ITGBL1: variants seen among roughly 807,000 people sequenced by gnomAD.
ITGBL1 encodes the protein integrin beta-like protein 1.
ITGBL1 carries 51 observed loss-of-function variants against 68.5 expected under a neutral mutation model. The observed-to-expected ratio is 0.74, with a 90% CI of 0.59 to 0.94. ITGBL1 has a LOEUF of 0.94. Ranked by LOEUF, ITGBL1 falls within the 40% of genes least tolerant of loss-of-function variation. The pLI is 0.00. For missense variants in ITGBL1, 649 were observed against 647.4 expected (o/e 1.00, Z -0.03); for synonymous variants, 209 against 227.3 (o/e 0.92, Z 0.72).
intron 8 of ITGBL1, among the ~76,000 whole-genome samples, chr13:101,694,398 C>A (rs977601185): frequency 1.3e-5 from 2 of 151,912 alleles, no homozygotes; most frequent in Non-Finnish European, 2.9e-5. Context: ...GCTCTTGTTA[C>A]CATTGTTACT....
At chr13:101,575,269 G>A (rs775768073) in intron 3 of ITGBL1, among the ~76,000 whole-genome samples, 155 bp from the exon 4 acceptor site, 2 of 152,144 alleles carry the variant, frequency 1.3e-5, no homozygotes, top group African/African-American at 2.4e-5. Flanking sequence ...AGAAAGAGTA[G>A]CATGTGCTTT....
intron 2 of ITGBL1, among the ~76,000 whole-genome samples, chr13:101,503,069 G>T (rs547584312): frequency 1.1e-4 from 16 of 152,294 alleles, no homozygotes; most frequent in Non-Finnish European, 2.2e-4. Context: ...CACAAAATTT[G>T]AAGCAAGTGC....
chr13:101,508,015 A>G (rs1484967083), intron 2 of ITGBL1, among the ~76,000 whole-genome samples: 1 of 152,144 alleles, frequency 6.6e-6, no homozygotes, highest in African/African-American at 2.4e-5. Flanking sequence ...ACATATTTCA[A>G]ATCTGAGTTC....
chr13:101,529,617 C>T (rs1451067438), intron 2 of ITGBL1, among the ~76,000 whole-genome samples: 2 of 152,246 alleles, frequency 1.3e-5, no homozygotes, highest in East Asian at 3.9e-4. Flanking sequence ...ATTGTAATCC[C>T]CACGTGTTGA....
At chr13:101,693,814 C>G (rs535895882) in intron 8 of ITGBL1, among the ~76,000 whole-genome samples, 1 of 152,250 alleles carries the variant, frequency 6.6e-6, no homozygotes, top group Non-Finnish European at 1.5e-5. Flanking sequence ...GCCCTTTTAA[C>G]CTGTTAATGA....
At chr13:101,460,321 C>T (rs2048301016) in intron 2 of ITGBL1, among the ~76,000 whole-genome samples, 1 of 152,136 alleles carries the variant, frequency 6.6e-6, no homozygotes, top group Admixed American at 6.5e-5. Context: ...TTTCACATTG[C>T]CTCTTTCCTG....
At chr13:101,612,546 C>T (rs1159402769) in intron 7 of ITGBL1, among the ~76,000 whole-genome samples, 3 of 144,230 alleles carry the variant, frequency 2.1e-5, no homozygotes, top group African/African-American at 7.7e-5. Context: ...AACTCACCCT[C>T]TTGAGTGTAG....
chr13:101,628,494 A>T (rs1420879070), intron 7 of ITGBL1, among the ~76,000 whole-genome samples: 1 of 149,492 alleles, frequency 6.7e-6, no homozygotes, highest in Non-Finnish European at 1.5e-5. Flanking sequence ...GTGCAGTGGC[A>T]TGATCTCAGC....
At chr13:101,557,304 A>C (rs1330978076) in intron 2 of ITGBL1, among the ~76,000 whole-genome samples, 3 of 152,236 alleles carry the variant, frequency 2.0e-5, no homozygotes, top group Admixed American at 6.5e-5. Flanking sequence ...TTGAGTCGCC[A>C]TTTAAAAGAT....
chr13:101,690,493 A>G (rs2893073), intron 7 of ITGBL1, among the ~76,000 whole-genome samples: 35,722 of 152,086 alleles, frequency 0.23, 4,820 homozygotes, highest in South Asian at 0.35. Flanking sequence ...GCAACTGATG[A>G]TCATGGCTTC....
intron 6 of ITGBL1, among the ~76,000 whole-genome samples, chr13:101,587,730 G>T (rs968900518): frequency 2.2e-4 from 33 of 151,976 alleles, no homozygotes; most frequent in African/African-American, 6.8e-4. Flanking sequence ...CATATTATGT[G>T]GTGAAATTTG....
intron 7 of ITGBL1, among the ~76,000 whole-genome samples, chr13:101,685,071 T>C (rs1269704490): frequency 6.6e-6 from 1 of 152,012 alleles, no homozygotes; most frequent in African/African-American, 2.4e-5. Flanking sequence ...AAAGTATTTC[T>C]GAATATTACC....
chr13:101,453,839 G>T (rs908522645), intron 1 of ITGBL1, 44 bp from the exon 2 acceptor site: 1 of 1,203,748 alleles, frequency 8.3e-7, no homozygotes, highest in Non-Finnish European at 1.0e-6. Context: ...AGGGGGCGGC[G>T]TCCGCGTCTG....
At chr13:101,470,331 A>AT (rs1386217807) in intron 2 of ITGBL1, among the ~76,000 whole-genome samples, 241 of 151,658 alleles carry the variant, frequency 1.6e-3, no homozygotes, top group African/African-American at 5.3e-3. Flanking sequence ...TTTTTAATTA[A>AT]TTTATTTTTT....
intron 2 of ITGBL1, among the ~76,000 whole-genome samples, chr13:101,535,048 G>T (rs890234297): frequency 1.3e-5 from 2 of 151,900 alleles, no homozygotes; most frequent in African/African-American, 2.4e-5. Context: ...CAGTATCTTC[G>T]TCAGAAGCAT....
At chr13:101,494,503 T>C (rs1198900164) in intron 2 of ITGBL1, among the ~76,000 whole-genome samples, 3 of 152,244 alleles carry the variant, frequency 2.0e-5, no homozygotes, top group Non-Finnish European at 4.4e-5. Flanking sequence ...ATATGCTTCA[T>C]ACGCACTTTC....
intron 2 of ITGBL1, among the ~76,000 whole-genome samples, chr13:101,566,011 C>T (rs1339220390): frequency 2.0e-5 from 3 of 152,072 alleles, no homozygotes; most frequent in African/African-American, 7.2e-5. Flanking sequence ...ACTGTGTATA[C>T]TTTAGGATCT....
intron 2 of ITGBL1, among the ~76,000 whole-genome samples, chr13:101,509,631 G>A (rs1389335087): frequency 6.6e-6 from 1 of 152,034 alleles, no homozygotes. Flanking sequence ...CCTAATTTCA[G>A]ATTTGAAACT....
chr13:101,675,906 T>G (rs1471319865), intron 7 of ITGBL1, among the ~76,000 whole-genome samples: 1 of 152,166 alleles, frequency 6.6e-6, no homozygotes, highest in Non-Finnish European at 1.5e-5. Flanking sequence ...TCTTCCAGTT[T>G]GCTAATCTTT....
Sources: allele counts gnomAD v4.1 joint callset (sites outside exome capture counted in the v4.1 genomes callset), GRCh38; gene constraint gnomAD v4.1.1; transcripts MANE v1.5; gene names NCBI Gene and HGNC (gene_info 2026-07-23, HGNC 2026-07-21).